LRRC4C: variants seen among roughly 807,000 people sequenced by gnomAD.
LRRC4C encodes leucine rich repeat containing 4C.
A neutral mutation model predicts 33.6 loss-of-function variants in LRRC4C; 5 were observed. The ratio of observed to expected loss-of-function variants is 0.15; its 90% CI spans 0.08 to 0.31. The LOEUF (loss-of-function observed/expected upper bound fraction) is 0.31, where lower values mean the gene tolerates loss of function less well. Among genes scored for constraint, LRRC4C ranks in the 10% least tolerant of loss-of-function variants. The pLI, the probability that LRRC4C is intolerant of heterozygous loss-of-function variation, is 1.00. For synonymous variants in LRRC4C, 329 were observed against 302.0 expected (o/e 1.09, Z -0.93); for missense variants, 560 against 796.7 (o/e 0.70, Z 3.58).
At chr11:40,393,722 G>T (rs1468185158) in intron 3 of LRRC4C, among the ~76,000 whole-genome samples, 1 of 152,182 alleles carries the variant, frequency 6.6e-6, no homozygotes, top group Non-Finnish European at 1.5e-5. Context: ...AGGATGCAAT[G>T]GTCCTTTAAT....
intron 1 of LRRC4C, among the ~76,000 whole-genome samples, chr11:41,102,936 C>T (rs1356673537): frequency 6.6e-6 from 1 of 151,770 alleles, no homozygotes; most frequent in Non-Finnish European, 1.5e-5. Context: ...CCAAATATAA[C>T]TGGAAATCTG....
intron 2 of LRRC4C, among the ~76,000 whole-genome samples, chr11:40,745,066 G>C (rs1228641311): frequency 6.6e-6 from 1 of 152,268 alleles, no homozygotes; most frequent in Non-Finnish European, 1.5e-5. Context: ...AAGTATTACT[G>C]TAAGCCATCA....
chr11:40,474,395 C>T (rs574191701), intron 3 of LRRC4C, among the ~76,000 whole-genome samples: 25 of 152,214 alleles, frequency 1.6e-4, no homozygotes, highest in African/African-American at 6.0e-4. Flanking sequence ...AAAACTGAAG[C>T]TGGACCCCTT....
At chr11:40,468,080 T>C (rs1249197073) in intron 3 of LRRC4C, among the ~76,000 whole-genome samples, 1 of 152,178 alleles carries the variant, frequency 6.6e-6, no homozygotes, top group African/African-American at 2.4e-5. Context: ...TGGGAAGCTA[T>C]GTGACTTTGC....
intron 5 of LRRC4C, among the ~76,000 whole-genome samples, chr11:40,207,264 C>T (rs77774971): frequency 0.05 from 7,652 of 152,148 alleles, 646 homozygotes; most frequent in African/African-American, 0.17. Context: ...CAGCTGCTTT[C>T]CATGCTGTGG....
chr11:40,259,390 T>A (rs1206497351), intron 4 of LRRC4C, among the ~76,000 whole-genome samples: 1 of 152,150 alleles, frequency 6.6e-6, no homozygotes, highest in African/African-American at 2.4e-5. Flanking sequence ...TAGTTTCTTT[T>A]GCTGTGCAGA....
chr11:41,243,777 C>G (rs1948343984), intron 1 of LRRC4C, among the ~76,000 whole-genome samples: 1 of 152,074 alleles, frequency 6.6e-6, no homozygotes, highest in South Asian at 2.1e-4. Flanking sequence ...GCTGCTTTAA[C>G]CAGGGCTAGA....
chr11:41,023,201 A>G lies in LRRC4C; in HGVS notation c.-495-89478T>C, dbSNP rs928369868. 2.6e-5 allele frequency among the ~76,000 whole-genome samples: 4 copies of G among 151,920 alleles called. No individual in the cohort carries two copies. In the South Asian group the frequency reaches 6.2e-4, roughly 24 times the overall value. On this transcript the variant is annotated intron_variant, in intron 1 of 6. Transcript: ENST00000528697. Reference sequence around the variant, plus strand: ...ATGGACACTTAAAAACTTGAAAGATATAAGATAAAATATATAAATCATATT... The same window carrying G: ...ATGGACACTTAAAAACTTGAAAGATGTAAGATAAAATATATAAATCATATT...
chr11:40,500,193 G>A (rs78409651), intron 3 of LRRC4C, among the ~76,000 whole-genome samples: 2,163 of 149,930 alleles, frequency 0.014, 52 homozygotes, highest in African/African-American at 0.05. Flanking sequence ...AACATAAGAT[G>A]TATGGATTAT....
intron 3 of LRRC4C, among the ~76,000 whole-genome samples, chr11:40,529,473 A>T (rs1221271076): frequency 6.6e-6 from 1 of 152,152 alleles, no homozygotes; most frequent in Non-Finnish European, 1.5e-5. Context: ...AGTGGAATAT[A>T]AACTAGGAGA....
chr11:40,485,122 T>C (rs1953787328), intron 3 of LRRC4C, among the ~76,000 whole-genome samples: 1 of 152,034 alleles, frequency 6.6e-6, no homozygotes, highest in African/African-American at 2.4e-5. Flanking sequence ...TCACAAGGTG[T>C]ATTTCAATAA....
rs1192337510 is a variant in LRRC4C at position 40,970,130 on chromosome 11, A to G, written c.-495-36407T>C. ...TGACTCTAGACGTGTGAATGAGGTCAGTCAAAATCAGCAGAGCCTTCTAGC... is the reference window on the plus strand; with the variant it reads ...TGACTCTAGACGTGTGAATGAGGTCGGTCAAAATCAGCAGAGCCTTCTAGC... On this transcript the variant is annotated intron_variant, in intron 1 of 6. Coordinates refer to ENST00000528697, the MANE Select transcript of LRRC4C (RefSeq NM_001258419.2). Among the ~76,000 whole-genome samples the G allele has an allele frequency of 3.3e-5, 5 of 152,170 alleles. No homozygotes were observed. The East Asian group carries it at 9.7e-4, about 29-fold the overall frequency.
chr11:40,915,168 C>A (rs2136306512), intron 2 of LRRC4C, among the ~76,000 whole-genome samples: 1 of 152,200 alleles, frequency 6.6e-6, no homozygotes, highest in South Asian at 2.1e-4. Flanking sequence ...CTACCAATGA[C>A]TTTCTTCACA....
chr11:41,042,377 C>T (rs1289255873), intron 1 of LRRC4C, among the ~76,000 whole-genome samples: 1 of 152,104 alleles, frequency 6.6e-6, no homozygotes, highest in African/African-American at 2.4e-5. Flanking sequence ...CCTTTACAGG[C>T]ATCTAACTTT....
intron 2 of LRRC4C, among the ~76,000 whole-genome samples, chr11:40,677,958 G>A (rs757051941): frequency 2.6e-5 from 4 of 152,068 alleles, no homozygotes; most frequent in Admixed American, 1.3e-4. Flanking sequence ...AGAACGGAGA[G>A]TTGGAAGAAG....
At chr11:40,435,293 A>G (rs1378756162) in intron 3 of LRRC4C, among the ~76,000 whole-genome samples, 1 of 152,182 alleles carries the variant, frequency 6.6e-6, no homozygotes, top group African/African-American at 2.4e-5. Flanking sequence ...CCCTGTGCCC[A>G]ACCATTTAAA....
At chr11:40,343,815 G>A (rs931543004) in intron 3 of LRRC4C, among the ~76,000 whole-genome samples, 1 of 150,882 alleles carries the variant, frequency 6.6e-6, no homozygotes, top group Non-Finnish European at 1.5e-5. Context: ...TGGCAAAGGG[G>A]TCATTACCAC....
intron 3 of LRRC4C, among the ~76,000 whole-genome samples, chr11:40,423,236 T>G (rs1234978298): frequency 6.6e-6 from 1 of 152,126 alleles, no homozygotes; most frequent in African/African-American, 2.4e-5. Flanking sequence ...GTGCATCATG[T>G]CTGTAGTCAT....
chr11:40,589,235 T>C lies in LRRC4C; in HGVS notation c.-270+58907A>G, dbSNP rs1390186387. On this transcript the variant is annotated intron_variant, in intron 3 of 6. Transcript: ENST00000528697. ...TGATCCCTTTACCATTATGTAATGG[T>C]CTTCTTTGTCTCTTTTGATCTTTGT... is the stretch of plus-strand genomic sequence containing the variant. Among the ~76,000 whole-genome samples, 361 of 151,980 alleles carry C rather than the reference T, an allele frequency of 2.4e-3. 3 individuals are homozygous for C. Among genetic ancestry groups the C allele is most frequent in the Admixed American group, 0.019 (295 of 15,180 alleles).
Sources: gnomAD v4.1 joint callset for allele counts (sites outside exome capture counted in the v4.1 genomes callset) on GRCh38, gnomAD v4.1.1 for gene constraint, MANE v1.5 for transcripts, NCBI Gene and HGNC (gene_info 2026-07-23, HGNC 2026-07-21) for gene names.